MED12L: variants seen among roughly 807,000 people sequenced by gnomAD.
The protein encoded by MED12L is mediator complex subunit 12L.
A neutral mutation model predicts 281.3 loss-of-function variants in MED12L; 60 were observed. The observed-to-expected ratio is 0.21, with a 90% CI of 0.17 to 0.26. The LOEUF is 0.26. MED12L is among the 10% of genes least tolerant of loss of function. The probability of loss-of-function intolerance (pLI) is 1.00; values close to 1 mark genes in which losing one functional copy is unlikely to be tolerated. For synonymous variants in MED12L, 974 were observed against 987.2 expected (o/e 0.99, Z 0.25); for missense variants, 2,146 against 2,680.9 (o/e 0.80, Z 4.41).
At chr3:151,198,189 A>G (rs976392425) in intron 16 of MED12L, 1 of 363,356 alleles carries the variant, frequency 2.8e-6, no homozygotes, top group Non-Finnish European at 4.9e-6. Flanking sequence ...CATTCGTTCA[A>G]TGAGACTCTT....
chr3:151,175,508 A>G (rs906136382), intron 11 of MED12L, among the ~76,000 whole-genome samples: 3 of 152,210 alleles, frequency 2.0e-5, no homozygotes, highest in Non-Finnish European at 4.4e-5. Context: ...ATGGTGTTAT[A>G]TAACCTAGGT....
intron 2 of MED12L, among the ~76,000 whole-genome samples, chr3:151,100,074 G>A (rs550577432): frequency 3.3e-5 from 5 of 152,334 alleles, no homozygotes; most frequent in East Asian, 1.9e-4. Context: ...CAGTCTGAGC[G>A]AGGCTGAACT....
Position 151,365,021 on chromosome 3 carries a change from G to A in MED12L, c.3000G>A (p.Val1000=). The A allele has an allele frequency of 6.2e-7, 1 of 1,614,026 alleles. No homozygotes were observed. The highest frequency in any genetic ancestry group is 8.5e-7 in the Non-Finnish European group (1 of 1,179,930). ...SKVKQTIYNN[V]MPANSNLRWD... Reference sequence around the variant, plus strand: ...TAAAGCAAACCATATATAATAACGTGATGCCTGCAAATTCGAACTTGCGAT... The same window carrying A: ...TAAAGCAAACCATATATAATAACGTAATGCCTGCAAATTCGAACTTGCGAT... The change falls in exon 22 of 45, where the codon GTG becomes GTA. Residue 1000 remains valine (V), a synonymous_variant. Coordinates refer to ENST00000687756, the MANE Select transcript of MED12L (RefSeq NM_001393769.1).
Position 151,227,489 on chromosome 3 carries a change from G to A in MED12L, c.2250+33823G>A, listed in dbSNP as rs148199451. ...ATAGTCTTTACTTTGTATTCTAATC[G>A]CTTCCCTCAAAACACTTTTGGCATA... On this transcript the variant is annotated intron_variant, in intron 16 of 44. Transcript: ENST00000687756. Among the ~76,000 whole-genome samples the A allele has an allele frequency of 5.3e-5, 8 of 152,296 alleles. No homozygotes were observed. In the East Asian group the frequency reaches 1.4e-3, roughly 26 times the overall value.
intron 3 of MED12L, among the ~76,000 whole-genome samples, chr3:151,117,322 T>G (rs1712977476): frequency 6.6e-6 from 1 of 152,222 alleles, no homozygotes. Flanking sequence ...ACTTCTTTAC[T>G]TTTGGCACCA....
intron 16 of MED12L, among the ~76,000 whole-genome samples, chr3:151,196,823 A>G (rs1427876636): frequency 1.3e-5 from 2 of 152,218 alleles, no homozygotes; most frequent in African/African-American, 4.8e-5. Context: ...TTTTTATGGA[A>G]TTGTAGATAG....
rs1719288778 is a variant in MED12L, at chr3:151,086,837, AGTCT to A, written c.-84_-81del. On this transcript the variant is annotated 5_prime_UTR_variant, in exon 2 of 45. Coordinates refer to ENST00000687756, the MANE Select transcript of MED12L (RefSeq NM_001393769.1). ...AGCGAGCGAGGAGGGGGAGAGAGGG[AGTCT>A]GTCTGCAAAGTGCTGCTCCCTGGTG... is the stretch of plus-strand genomic sequence containing the variant. 4.1e-6 allele frequency: 4 copies of A among 969,218 alleles called. No individual in the cohort carries two copies. The highest frequency in any genetic ancestry group is 2.8e-5 in the East Asian group (1 of 35,784). The allele number at this position is 969,218 out of a possible 1,614,324, so 60.0% of individuals were successfully genotyped here. A position where few individuals can be genotyped will look rare whatever the true frequency, so the allele number is the denominator to read the frequency against.
In MED12L at chr3:151,127,976, C is replaced by T. The variant is rs780133070; in HGVS notation, c.548C>T (p.Pro183Leu). Reference protein sequence around the residue: ...AKIKKRQAPDPNLEWTQISTR... With the variant: ...AKIKKRQAPDLNLEWTQISTR... Reference sequence around the variant, plus strand: ...ATTAAGAAACGTCAGGCTCCTGATCCGAATTTGGGTAAGTGAGAGAATACA... The same window carrying T: ...ATTAAGAAACGTCAGGCTCCTGATCTGAATTTGGGTAAGTGAGAGAATACA... The change falls in exon 5 of 45, where the codon CCG (proline) becomes CTG (leucine). Residue 183 changes from proline to leucine, a missense_variant. This residue lies in a region of MED12L where 722 missense variants were observed against 861.2 expected (regional missense o/e 0.84). Coordinates refer to ENST00000687756, the MANE Select transcript of MED12L (RefSeq NM_001393769.1). The T allele has an allele frequency of 1.4e-5, 23 of 1,610,242 alleles. No homozygotes were observed. The highest frequency in any genetic ancestry group is 4.5e-5 in the East Asian group (2 of 44,880).
At chr3:151,170,180 G>A (rs1295959195) in intron 11 of MED12L, among the ~76,000 whole-genome samples, 2 of 152,192 alleles carry the variant, frequency 1.3e-5, no homozygotes, top group African/African-American at 4.8e-5. Flanking sequence ...GAGAGTGGGA[G>A]TAGGAGCTGA....
chr3:151,411,410 G>A lies in MED12L; in HGVS notation c.6043G>A (p.Val2015Met), dbSNP rs780726741. The change falls in exon 41 of 45, where the codon GTG (valine) becomes ATG (methionine). Residue 2015 changes from valine to methionine, a missense_variant. Around this residue, in one of 9 missense-constraint regions of MED12L, gnomAD observed 496 missense variants for 512.0 expected, o/e 0.97. Coordinates refer to ENST00000687756, the MANE Select transcript of MED12L (RefSeq NM_001393769.1). ...RAYPAAHSNP[V>M]LMERLRQIQQ... Reference sequence around the variant, plus strand: ...CTATCCGGCCGCACATTCCAACCCCGTGCTAATGGAAAGACTCAGACAGAT... The same window carrying A: ...CTATCCGGCCGCACATTCCAACCCCATGCTAATGGAAAGACTCAGACAGAT... 41 of 1,613,964 alleles carry A rather than the reference G, an allele frequency of 2.5e-5. No homozygotes were observed. The Middle Eastern group carries it at 4.9e-4, about 19-fold the overall frequency.
intron 19 of MED12L, 90 bp from the exon 20 acceptor site, chr3:151,357,123 G>T: frequency 9.3e-7 from 1 of 1,071,682 alleles, no homozygotes; most frequent in Non-Finnish European, 1.3e-6. Context: ...GTAGTGTAAT[G>T]ACTCAGTATA....
rs557734690 is a variant in MED12L at position 151,279,678 on chromosome 3, G to A, written c.2251-70381G>A. ...TTAGCTTCAGCTGCAGTGAGATCTG[G>A]TAGGTAAATAAACTTAAGGACAAGT... On this transcript the variant is annotated intron_variant, in intron 16 of 44. Coordinates refer to ENST00000687756, the MANE Select transcript of MED12L (RefSeq NM_001393769.1). Among the ~76,000 whole-genome samples the A allele has an allele frequency of 3.9e-5, 6 of 152,304 alleles. No homozygotes were observed. In the South Asian group the frequency reaches 1.2e-3, roughly 32 times the overall value.
intron 16 of MED12L, among the ~76,000 whole-genome samples, chr3:151,261,096 G>A (rs1483469346): frequency 6.6e-6 from 1 of 151,942 alleles, no homozygotes; most frequent in East Asian, 1.9e-4. Flanking sequence ...TGATTTTCAG[G>A]GCCATGTTTA....
chr3:151,153,863 C>G (rs1718911599), intron 5 of MED12L, among the ~76,000 whole-genome samples: 1 of 152,108 alleles, frequency 6.6e-6, no homozygotes, highest in Admixed American at 6.6e-5. Flanking sequence ...GCTACCTCAC[C>G]CGGCCTTCTG....
At chr3:151,094,502 A>G (rs1194879791) in intron 2 of MED12L, among the ~76,000 whole-genome samples, 2 of 152,196 alleles carry the variant, frequency 1.3e-5, no homozygotes, top group Admixed American at 6.5e-5. Flanking sequence ...TTCCTCCCCA[A>G]AAAGGGAGCA....
intron 42 of MED12L, 131 bp from the exon 43 acceptor site, chr3:151,416,181 A>T (rs1055642307): frequency 3.4e-5 from 52 of 1,512,810 alleles, no homozygotes; most frequent in Non-Finnish European, 3.4e-5. Context: ...CAAGGTAGAG[A>T]TGCAGCAGGC....
intron 16 of MED12L, among the ~76,000 whole-genome samples, chr3:151,249,819 T>G (rs1377254103): frequency 6.6e-6 from 1 of 152,170 alleles, no homozygotes. Context: ...GAAATTATGC[T>G]CTGGATTAAT....
At chr3:151,208,726 G>A (rs140997136) in intron 16 of MED12L, among the ~76,000 whole-genome samples, 1 of 152,078 alleles carries the variant, frequency 6.6e-6, no homozygotes, top group Non-Finnish European at 1.5e-5. Flanking sequence ...ATGTAATATT[G>A]TATGGATATG....
intron 2 of MED12L, among the ~76,000 whole-genome samples, chr3:151,101,726 G>A (rs1040491150): frequency 6.6e-6 from 1 of 152,018 alleles, no homozygotes; most frequent in Non-Finnish European, 1.5e-5. Context: ...ATGGTGGTGA[G>A]CTCACGTGGT....
Sources: gnomAD v4.1 joint callset for allele counts (sites outside exome capture counted in the v4.1 genomes callset) on GRCh38, gnomAD v4.1.1 for gene constraint, gnomAD v4.1.1 regional missense constraint, MANE v1.5 for transcripts, NCBI Gene and HGNC (gene_info 2026-07-23, HGNC 2026-07-21) for gene names.